POLR2F: variants seen among roughly 807,000 people sequenced by gnomAD.
The protein encoded by POLR2F is RNA polymerase II, I and III subunit F.
POLR2F carries 12 observed loss-of-function variants against 22.7 expected under a neutral mutation model. That is an observed-to-expected ratio of 0.53 (90% confidence interval 0.34 to 0.86). POLR2F has a LOEUF of 0.86. Ranked by LOEUF, POLR2F falls within the 40% of genes least tolerant of loss-of-function variation. The pLI, the probability that POLR2F is intolerant of heterozygous loss-of-function variation, is 0.02. For missense variants in POLR2F, 126 were observed against 171.5 expected, an observed-to-expected ratio of 0.73 and a Z score of 1.48; for synonymous variants, 57 against 66.0, an observed-to-expected ratio of 0.86 and a Z score of 0.66.
chr22:38,041,127 CG>C (rs2085168702), downstream of POLR2F: 1 of 1,612,490 alleles, frequency 6.2e-7, no homozygotes, highest in Non-Finnish European at 8.5e-7. Flanking sequence ...GCATGGTGGA[CG>C]GAAGTACATG....
At chr22:38,026,549 G>A in exon 3 of POLR2F, 1 of 341,000 alleles carries the variant, frequency 2.9e-6, no homozygotes, top group Non-Finnish European at 5.8e-6. Flanking sequence ...TTTCCCCACC[G>A]CCTCTCTCTG....
chr22:37,967,595 C>G (rs1451331224), intron 4 of POLR2F, 30 bp from the exon 5 acceptor site: 1 of 1,611,888 alleles, frequency 6.2e-7, no homozygotes, highest in Non-Finnish European at 8.5e-7. Context: ...CACCAGCCCT[C>G]ATGTACTTGT....
chr22:37,980,141 A>G lies in POLR2F; in HGVS notation c.293+12971A>G, dbSNP rs763536751. Among the ~76,000 whole-genome samples, 4 of 152,052 alleles carry G rather than the reference A, an allele frequency of 2.6e-5. No homozygotes were observed. The highest frequency in any genetic ancestry group is 4.8e-5 in the African/African-American group (2 of 41,406). ...GTCAGAGTCAGTGTACACACTTAGG[A>G]CAAAGATGCCGGAGCAGGGCCTTGA... On this transcript the variant is annotated intron_variant, in intron 4 of 4. Coordinates refer to the POLR2F transcript ENST00000405557. This position sits in a 1 kb window ranked among gnomAD's most constrained non-coding sequence, Gnocchi z 4.1.
rs533250896 is a variant in POLR2F at position 37,996,801 on chromosome 22, T to C, written c.120+10489T>C. 3.0e-4 allele frequency among the ~76,000 whole-genome samples: 45 copies of C among 152,334 alleles called. No homozygotes were observed. In the East Asian group the frequency reaches 8.1e-3, roughly 27 times the overall value. On this transcript the variant is annotated intron_variant, in intron 1 of 2. Coordinates refer to the POLR2F transcript ENST00000333418. ...ACCTGGGGCCAAAGAACACAAGCCC[T>C]TGGGGAGTTTTAAAAGACTAATTCC...
chr22:37,968,719 C>G lies in POLR2F; in HGVS notation c.*1004C>G. On this transcript the variant is annotated 3_prime_UTR_variant, in exon 5 of 5. Transcript: ENST00000442738. ...TAAACTGGCTCCCTGAATATGCCAG[C>G]CTTAACCTCCATTCCACTGCCAGCT... is the stretch of plus-strand genomic sequence containing the variant. The G allele has an allele frequency of 4.1e-6, 4 of 985,440 alleles. No individual in the cohort carries two copies. The highest frequency in any genetic ancestry group is 4.8e-6 in the Non-Finnish European group (4 of 829,946). 61.0% of individuals were successfully genotyped at this position (985,440 alleles called of 1,614,324 possible).
At chr22:37,999,243 C>G (rs920375269) in intron 1 of POLR2F, among the ~76,000 whole-genome samples, 9 of 152,142 alleles carry the variant, frequency 5.9e-5, no homozygotes, top group Middle Eastern at 3.2e-3. Flanking sequence ...TACCCTCTGT[C>G]CCAGGATCCA....
rs937911061 is a variant in POLR2F at position 37,959,795 on chromosome 22, C to T, written c.221+319C>T. 8.7e-5 allele frequency among the ~76,000 whole-genome samples: 13 copies of T among 149,588 alleles called. 1 individual carries two copies. The highest frequency in any genetic ancestry group is 7.3e-4 in the Admixed American group (11 of 15,004). On this transcript the variant is annotated intron_variant, in intron 3 of 4. Transcript: ENST00000442738. ...AAGGTGAATTCAGAGCCAATGTGTA[C>T]CAGTGTAGTTTTTTTTTTTTTTTTT...
chr22:37,986,472 C>A lies in POLR2F; in HGVS notation c.120+160C>A. On this transcript the variant is annotated intron_variant, in intron 1 of 2. Coordinates refer to the POLR2F transcript ENST00000333418. This position sits in a 1 kb window ranked among gnomAD's most constrained non-coding sequence, Gnocchi z 4.7. ...GAGTTAGGAGGTGGAATGTGGGGTC[C>A]CACAGCTGCCCCCTCTCTAACTCCC... 6.9e-7 allele frequency: 1 copy of A among 1,451,692 alleles called. No homozygotes were observed. Among genetic ancestry groups the A allele is most frequent in the Non-Finnish European group, 9.3e-7 (1 of 1,071,404 alleles). 89.9% of individuals were successfully genotyped at this position (1,451,692 alleles called of 1,614,324 possible).
intron 1 of POLR2F, among the ~76,000 whole-genome samples, chr22:37,996,670 G>T (rs188623929): frequency 1.3e-5 from 2 of 152,278 alleles, no homozygotes; most frequent in Admixed American, 1.3e-4. Context: ...GACCTGGGAG[G>T]CCTCACTGAA....
At chr22:38,033,469 T>G (rs926464419) in intron 5 of POLR2F, among the ~76,000 whole-genome samples, 1 of 152,210 alleles carries the variant, frequency 6.6e-6, no homozygotes, top group Non-Finnish European at 1.5e-5. Context: ...GGGGTAGGGC[T>G]GGTTCTGTAG....
chr22:37,974,347 G>GTTTTT lies in POLR2F; in HGVS notation c.293+7182_293+7186dup, dbSNP rs916489152. ...TTCACATTTTGGCAGCATGAGTCGG[G>GTTTTT]TTTTTTTTTGTTTTTTTTTTTTGAG... On this transcript the variant is annotated intron_variant, in intron 4 of 4. Coordinates refer to the POLR2F transcript ENST00000405557. The surrounding 1 kb of genome is among the most constrained non-coding windows in gnomAD (Gnocchi z 5.4). 3.4e-6 allele frequency: 2 copies of GTTTTT among 584,282 alleles called. No homozygotes were observed. The highest frequency in any genetic ancestry group is 3.1e-5 in the Admixed American group (1 of 32,678). 36.2% of individuals were successfully genotyped at this position (584,282 alleles called of 1,614,324 possible). A position where few individuals can be genotyped will look rare whatever the true frequency, so the allele number is the denominator to read the frequency against.
chr22:38,037,668 C>T (rs1179341138), intron 5 of POLR2F, among the ~76,000 whole-genome samples: 1 of 151,576 alleles, frequency 6.6e-6, no homozygotes, highest in Non-Finnish European at 1.5e-5. Context: ...TCTCAGCTCA[C>T]TGCAACCTCC....
At chr22:38,040,965 G>A in intron 5 of POLR2F, 24 of 1,571,886 alleles carry the variant, frequency 1.5e-5, no homozygotes, top group Non-Finnish European at 2.1e-5. Context: ...GATGACAACA[G>A]TGACGTTGAT....
At chr22:38,034,778 G>A (rs983349682) in intron 5 of POLR2F, among the ~76,000 whole-genome samples, 2 of 152,220 alleles carry the variant, frequency 1.3e-5, no homozygotes, top group Non-Finnish European at 2.9e-5. Flanking sequence ...GCAGCCAGCA[G>A]AGACACAGAG....
At chr22:37,977,854 C>T (rs759902908) in intron 4 of POLR2F, 1 of 1,604,624 alleles carries the variant, frequency 6.2e-7, no homozygotes, top group South Asian at 1.1e-5. Flanking sequence ...TCAGCTCTGT[C>T]ATCAGCACTC....
intron 3 of POLR2F, among the ~76,000 whole-genome samples, chr22:37,962,995 A>AT (rs1010840955): frequency 6.3e-5 from 9 of 142,392 alleles, no homozygotes; most frequent in South Asian, 2.2e-4. Context: ...CAGCCTATTT[A>AT]TTTTTTTTTG....
intron 1 of POLR2F, among the ~76,000 whole-genome samples, chr22:37,996,364 G>A (rs1160701159): frequency 6.6e-6 from 1 of 152,324 alleles, no homozygotes. Flanking sequence ...CCCACCCTCC[G>A]CCCCCATCTC....
At chr22:38,036,763 C>A (rs1480432582) in intron 5 of POLR2F, among the ~76,000 whole-genome samples, 1 of 151,994 alleles carries the variant, frequency 6.6e-6, no homozygotes, top group Admixed American at 6.6e-5. Flanking sequence ...GCCTAGCCTT[C>A]CCCCAGCGTT....
At chr22:38,002,107 C>T (rs1187233188) in intron 1 of POLR2F, among the ~76,000 whole-genome samples, 1 of 151,740 alleles carries the variant, frequency 6.6e-6, no homozygotes, top group Non-Finnish European at 1.5e-5. Context: ...ACCTCAGCCT[C>T]TCAAAGTGCT....
Sources: allele counts gnomAD v4.1 joint callset (sites outside exome capture counted in the v4.1 genomes callset), GRCh38; gene constraint gnomAD v4.1.1; non-coding constraint Gnocchi (gnomAD v3.1); transcripts MANE v1.5; gene names NCBI Gene and HGNC (gene_info 2026-07-23, HGNC 2026-07-21).